Variants in PRKG1 observed in about 807,000 individuals in gnomAD.
PRKG1 encodes the protein protein kinase cGMP-dependent 1, also known as cGMP-dependent protein kinase 1.
Under a neutral mutation model 88.1 loss-of-function variants are expected in PRKG1, and 35 were observed. That is an observed-to-expected ratio of 0.40 (90% CI 0.30 to 0.53). The LOEUF (loss-of-function observed/expected upper bound fraction) is 0.53. Among genes scored for constraint, PRKG1 ranks in the 20% least tolerant of loss-of-function variants. The pLI is 0.59. For synonymous variants in PRKG1, 303 were observed against 292.5 expected (o/e 1.04, Z -0.37); for missense variants, 540 against 839.8 (o/e 0.64, Z 4.41).
intron 9 of PRKG1, among the ~76,000 whole-genome samples, chr10:52,240,083 TGAA>T (rs1189543359): frequency 3.9e-5 from 6 of 152,232 alleles, no homozygotes; most frequent in Non-Finnish European, 8.8e-5. Context: ...GTAAAAGTTA[TGAA>T]GAAGATCACA....
chr10:51,906,740 G>C (rs1416650551), intron 4 of PRKG1, among the ~76,000 whole-genome samples: 3 of 152,070 alleles, frequency 2.0e-5, no homozygotes, highest in Non-Finnish European at 4.4e-5. Flanking sequence ...GCTAGATTAG[G>C]GAAAAGACCT....
At chr10:51,471,274 T>C (rs1189792772) in intron 3 of PRKG1, among the ~76,000 whole-genome samples, 1 of 152,002 alleles carries the variant, frequency 6.6e-6, no homozygotes, top group African/African-American at 2.4e-5. Flanking sequence ...TCGCTTGTTA[T>C]AGTTGGTTTC....
At chr10:51,943,375 G>T (rs199967616) in intron 5 of PRKG1, among the ~76,000 whole-genome samples, 2 of 151,830 alleles carry the variant, frequency 1.3e-5, no homozygotes, top group Admixed American at 1.3e-4. Flanking sequence ...GGGTTTTCTA[G>T]ATATACAATC....
At chr10:51,477,859 T>G (rs1840242392) in intron 3 of PRKG1, among the ~76,000 whole-genome samples, 1 of 152,040 alleles carries the variant, frequency 6.6e-6, no homozygotes, top group Non-Finnish European at 1.5e-5. Context: ...CCTAATTTTT[T>G]CATCACAGCC....
At chr10:51,369,109 G>T (rs546852680) in intron 2 of PRKG1, among the ~76,000 whole-genome samples, 1 of 152,060 alleles carries the variant, frequency 6.6e-6, no homozygotes, top group South Asian at 2.1e-4. Flanking sequence ...AATCACTGCC[G>T]TAATGCACAA....
intron 3 of PRKG1, among the ~76,000 whole-genome samples, chr10:51,665,544 G>A (rs1196361463): frequency 6.6e-6 from 1 of 152,010 alleles, no homozygotes; most frequent in African/African-American, 2.4e-5. Flanking sequence ...TTTCTCTTTT[G>A]TAAGCCAAGA....
At chr10:51,151,563 G>T (rs1169173170) in intron 1 of PRKG1, among the ~76,000 whole-genome samples, 3 of 99,222 alleles carry the variant, frequency 3.0e-5, no homozygotes, top group Admixed American at 2.0e-4. Context: ...CTATGTTTTT[G>T]TTTTTGTTTT....
intron 3 of PRKG1, among the ~76,000 whole-genome samples, chr10:51,478,265 G>T (rs969341595): frequency 6.6e-6 from 1 of 152,082 alleles, no homozygotes; most frequent in Non-Finnish European, 1.5e-5. Flanking sequence ...TCAGACAAAT[G>T]ACAAAAGTAG....
At chr10:52,068,688 T>C (rs971550358) in intron 7 of PRKG1, among the ~76,000 whole-genome samples, 40 of 152,060 alleles carry the variant, frequency 2.6e-4, no homozygotes, top group Non-Finnish European at 1.8e-4. Context: ...ATCTTCATCA[T>C]CATCATCATA....
intron 2 of PRKG1, among the ~76,000 whole-genome samples, chr10:51,402,680 C>G (rs1299662120): frequency 6.6e-6 from 1 of 152,186 alleles, no homozygotes; most frequent in Non-Finnish European, 1.5e-5. Context: ...AACCTATTCA[C>G]AGTGTCCCAC....
At chr10:51,220,569 A>C (rs1838502490) in intron 2 of PRKG1, among the ~76,000 whole-genome samples, 1 of 152,204 alleles carries the variant, frequency 6.6e-6, no homozygotes, top group African/African-American at 2.4e-5. Context: ...TAGTGACAGC[A>C]ATTACCATTA....
chr10:51,978,172 G>T (rs1843896347), intron 5 of PRKG1, among the ~76,000 whole-genome samples: 1 of 151,782 alleles, frequency 6.6e-6, no homozygotes, highest in Non-Finnish European at 1.5e-5. Flanking sequence ...TGACTAGCTA[G>T]TTATTCCAGC....
chr10:51,062,037 A>AAT (rs1843697687), intron 1 of PRKG1, among the ~76,000 whole-genome samples: 1 of 152,182 alleles, frequency 6.6e-6, no homozygotes, highest in Non-Finnish European at 1.5e-5. Context: ...CATAGGTGTG[A>AAT]AAAATTGTAG....
chr10:51,932,537 C>T (rs533808645), intron 5 of PRKG1, among the ~76,000 whole-genome samples: 6 of 152,228 alleles, frequency 3.9e-5, no homozygotes, highest in South Asian at 2.1e-4. Flanking sequence ...TATACTGCCA[C>T]GGCCAGGTTT....
chr10:51,606,017 TAGTA>T (rs1838757756), intron 3 of PRKG1, among the ~76,000 whole-genome samples: 1 of 152,178 alleles, frequency 6.6e-6, no homozygotes, highest in African/African-American at 2.4e-5. Flanking sequence ...ACCTGGTAAA[TAGTA>T]AGAACTTTAA....
chr10:51,948,015 T>G (rs981438623), intron 5 of PRKG1, among the ~76,000 whole-genome samples: 3 of 152,210 alleles, frequency 2.0e-5, no homozygotes, highest in Non-Finnish European at 4.4e-5. Flanking sequence ...TAAAGTTTAT[T>G]CCTTGGTTTC....
intron 4 of PRKG1, among the ~76,000 whole-genome samples, chr10:51,846,665 T>C (rs1003441043): frequency 6.6e-6 from 1 of 152,192 alleles, no homozygotes; most frequent in African/African-American, 2.4e-5. Context: ...CCTATGAATG[T>C]TAGAAAATGT....
At chr10:51,628,929 G>A (rs1213559635) in intron 3 of PRKG1, among the ~76,000 whole-genome samples, 1 of 148,158 alleles carries the variant, frequency 6.7e-6, no homozygotes, top group African/African-American at 2.5e-5. Flanking sequence ...ACTGCAGTCC[G>A]CAGTCCGGCC....
At chr10:51,333,763 T>C (rs1841798559) in intron 2 of PRKG1, among the ~76,000 whole-genome samples, 2 of 152,210 alleles carry the variant, frequency 1.3e-5, no homozygotes, top group African/African-American at 4.8e-5. Context: ...TTAGAGATGC[T>C]ACAGATGGAA....
Sources: gnomAD v4.1 joint callset for allele counts (sites outside exome capture counted in the v4.1 genomes callset) on GRCh38, gnomAD v4.1.1 for gene constraint, MANE v1.5 for transcripts, NCBI Gene and HGNC (gene_info 2026-07-23, HGNC 2026-07-21) for gene names.